The following AGPAT4 variants were observed in gnomAD, a reference collection of about 807,000 sequenced individuals.
AGPAT4 encodes 1-acyl-sn-glycerol-3-phosphate acyltransferase delta.
Under a neutral mutation model 48.0 loss-of-function variants are expected in AGPAT4, and 15 were observed. That is an observed-to-expected ratio of 0.31 (90% CI 0.21 to 0.48). The LOEUF is 0.48. AGPAT4 is among the 20% of genes least tolerant of loss of function. AGPAT4 has a pLI of 0.99. For synonymous variants in AGPAT4, 178 were observed against 198.7 expected (o/e 0.90, Z 0.88); for missense variants, 314 against 482.5 (o/e 0.65, Z 3.27).
chr6:161,199,192 AC>A (rs1781151691), intron 2 of AGPAT4, among the ~76,000 whole-genome samples: 1 of 152,148 alleles, frequency 6.6e-6, no homozygotes, highest in Admixed American at 6.5e-5. Flanking sequence ...GCAGAAACAT[AC>A]AAAAAAGCTT....
intron 2 of AGPAT4, among the ~76,000 whole-genome samples, chr6:161,199,193 CA>C (rs1049190754): frequency 6.6e-6 from 1 of 152,106 alleles, no homozygotes; most frequent in African/African-American, 2.4e-5. Context: ...CAGAAACATA[CA>C]AAAAAGCTTT....
intron 2 of AGPAT4, among the ~76,000 whole-genome samples, chr6:161,194,252 C>T (rs1781000971): frequency 6.6e-6 from 1 of 152,124 alleles, no homozygotes; most frequent in South Asian, 2.1e-4. Context: ...ATTAATTTCA[C>T]CTATCTCTTA....
chr6:161,147,076 T>C lies in AGPAT4; in HGVS notation c.768-477A>G, dbSNP rs1779453043. ...ATTATCTCCCATCAAATGATTCCTC[T>C]GGCCTCTTGGTTAGCCTTGAGGCAG... On this transcript the variant is annotated intron_variant, in intron 6 of 8. Coordinates refer to ENST00000320285, the MANE Select transcript of AGPAT4 (RefSeq NM_020133.3). The surrounding 1 kb of genome is among the most constrained non-coding windows in gnomAD (Gnocchi z 4.8). 6.6e-6 allele frequency among the ~76,000 whole-genome samples: 1 copy of C among 152,234 alleles called. No homozygotes were observed. The highest frequency in any genetic ancestry group is 1.5e-5 in the Non-Finnish European group (1 of 68,034).
intron 2 of AGPAT4, among the ~76,000 whole-genome samples, chr6:161,203,704 G>T (rs1324473708): frequency 6.6e-6 from 1 of 152,092 alleles, no homozygotes; most frequent in Non-Finnish European, 1.5e-5. Flanking sequence ...GGCTGGTGCT[G>T]GGATTACAGG....
At position 161,236,999 on chromosome 6, in the gene AGPAT4, G is replaced by A. The variant is rs967671207; in HGVS notation, c.-89-4697C>T. 1.3e-5 allele frequency among the ~76,000 whole-genome samples: 2 copies of A among 152,116 alleles called. No individual in the cohort carries two copies. Among genetic ancestry groups the A allele is most frequent in the Non-Finnish European group, 2.9e-5 (2 of 68,012 alleles). On this transcript the variant is annotated intron_variant, in intron 1 of 8. Transcript: ENST00000320285. This position sits in a 1 kb window ranked among gnomAD's most constrained non-coding sequence, Gnocchi z 5.0. ...AGTGAACTAAGGCAACATGCAAAAG[G>A]GATCGCGGAAACACAAAGACATTTT... is the stretch of plus-strand genomic sequence containing the variant.
At position 161,148,129 on chromosome 6, in the gene AGPAT4, G is replaced by A. The variant is rs113111462; in HGVS notation, c.767+1058C>T. 2.8e-4 allele frequency among the ~76,000 whole-genome samples: 43 copies of A among 152,326 alleles called. 1 individual carries two copies. The highest frequency in any genetic ancestry group is 7.8e-4 in the Admixed American group (12 of 15,304). On this transcript the variant is annotated intron_variant, in intron 6 of 8. Transcript: ENST00000320285. This position sits in a 1 kb window ranked among gnomAD's most constrained non-coding sequence, Gnocchi z 5.5. ...CCATTGAGTGGAGCTCCTGCCAGCT[G>A]TCAGAGAACATGGGGAATAAAACCT...
chr6:161,197,188 C>T lies in AGPAT4; in HGVS notation c.179-30771G>A, dbSNP rs567036127. Reference sequence around the variant, plus strand: ...TGGAAAAAAATGAGATAAACCAATGCTTTTCCCTTTGGCCTTCTCCGAACG... The same window carrying T: ...TGGAAAAAAATGAGATAAACCAATGTTTTTCCCTTTGGCCTTCTCCGAACG... On this transcript the variant is annotated intron_variant, in intron 2 of 8. Coordinates refer to ENST00000320285, the MANE Select transcript of AGPAT4 (RefSeq NM_020133.3). The surrounding 1 kb of genome is among the most constrained non-coding windows in gnomAD (Gnocchi z 5.7). 1.3e-5 allele frequency among the ~76,000 whole-genome samples: 2 copies of T among 152,258 alleles called. No homozygotes were observed. Among genetic ancestry groups the T allele is most frequent in the South Asian group, 4.2e-4 (2 of 4,814 alleles).
chr6:161,232,195 G>C lies in AGPAT4; in HGVS notation c.19C>G (p.Leu7Val). 6.2e-7 allele frequency: 1 copy of C among 1,614,040 alleles called. No homozygotes were observed. Among genetic ancestry groups the C allele is most frequent in the East Asian group, 2.2e-5 (1 of 44,872 alleles). The change falls in exon 2 of 9, where the codon CTG becomes GTG. Residue 7 changes from leucine to valine, a missense_variant. Physicochemically the swap from Leu to Val is conservative, Grantham distance 32. Transcript: ENST00000320285. The surrounding 1 kb of genome is among the most constrained non-coding windows in gnomAD (Gnocchi z 6.8). ...AGGTGGCACAGGAACTGAGACTTCA[G>C]CAGTCCCGCGAGGTCCATGATGCGT... MDLAGL[L>V]KSQFLCHLVF...
Position 161,196,410 on chromosome 6 carries a change from G to C in AGPAT4, c.179-29993C>G, listed in dbSNP as rs1781065559. ...GGGTTGGGGATGATTAAGTCAGTGAGGGGTAGGACTGTGGTCCTATCCAGG... is the reference window on the plus strand; with the variant it reads ...GGGTTGGGGATGATTAAGTCAGTGACGGGTAGGACTGTGGTCCTATCCAGG... On this transcript the variant is annotated intron_variant, in intron 2 of 8. Transcript: ENST00000320285. This position sits in a 1 kb window ranked among gnomAD's most constrained non-coding sequence, Gnocchi z 4.3. 6.6e-6 allele frequency among the ~76,000 whole-genome samples: 1 copy of C among 152,150 alleles called. No individual in the cohort carries two copies. Among genetic ancestry groups the C allele is most frequent in the Admixed American group, 6.5e-5 (1 of 15,282 alleles).
At chr6:161,224,300 CAT>C (rs1781910990) in intron 2 of AGPAT4, among the ~76,000 whole-genome samples, 1 of 152,108 alleles carries the variant, frequency 6.6e-6, no homozygotes, top group Non-Finnish European at 1.5e-5. Context: ...ATTAGTATAA[CAT>C]GTGGCAAGTA....
chr6:161,194,484 ATG>A (rs945854060), intron 2 of AGPAT4, among the ~76,000 whole-genome samples: 85 of 143,494 alleles, frequency 5.9e-4, no homozygotes, highest in African/African-American at 2.2e-3. Flanking sequence ...ATGCGCATGT[ATG>A]TGTGTATGTG....
chr6:161,179,997 A>C (rs1562326474), intron 2 of AGPAT4, among the ~76,000 whole-genome samples: 1 of 152,216 alleles, frequency 6.6e-6, no homozygotes, highest in Non-Finnish European at 1.5e-5. Flanking sequence ...AAAGAAATTA[A>C]GAAGCATGCC....
intron 4 of AGPAT4, 154 bp downstream of exon 4, chr6:161,153,995 A>G: frequency 9.9e-7 from 1 of 1,005,270 alleles, no homozygotes. Flanking sequence ...ATGGTCACAT[A>G]CATCCCTGAG....
intron 2 of AGPAT4, among the ~76,000 whole-genome samples, chr6:161,192,426 CA>C (rs1029370114): frequency 6.6e-5 from 10 of 152,194 alleles, no homozygotes; most frequent in African/African-American, 2.4e-4. Flanking sequence ...GCTGGGATTA[CA>C]GGGGTGAGCC....
chr6:161,273,104 T>C (rs1009063051), intron 1 of AGPAT4, among the ~76,000 whole-genome samples: 2 of 152,354 alleles, frequency 1.3e-5, no homozygotes, highest in South Asian at 4.1e-4. Context: ...TCACCTCCTG[T>C]AAGGAATTAA....
chr6:161,140,339 CCTTCCA>C lies in AGPAT4; in HGVS notation c.844-725_844-720del, dbSNP rs1779210194. On this transcript the variant is annotated intron_variant, in intron 7 of 8. Coordinates refer to ENST00000320285, the MANE Select transcript of AGPAT4 (RefSeq NM_020133.3). This position sits in a 1 kb window ranked among gnomAD's most constrained non-coding sequence, Gnocchi z 6.5. ...GAAAGGTAAACAAACAGGCTCATGTCCTTCCACTAAGCAGATCCTTAGTGGGAACCA... is the reference window on the plus strand; with the variant it reads ...GAAAGGTAAACAAACAGGCTCATGTCCTAAGCAGATCCTTAGTGGGAACCA... 6.6e-6 allele frequency among the ~76,000 whole-genome samples: 1 copy of C among 152,224 alleles called. No homozygotes were observed. The highest frequency in any genetic ancestry group is 1.5e-5 in the Non-Finnish European group (1 of 68,040).
chr6:161,188,893 AT>A (rs1264826100), intron 2 of AGPAT4, among the ~76,000 whole-genome samples: 3 of 152,118 alleles, frequency 2.0e-5, no homozygotes, highest in Non-Finnish European at 4.4e-5. Context: ...CCAATGGCAA[AT>A]GGAAGAGAGA....
intron 2 of AGPAT4, among the ~76,000 whole-genome samples, chr6:161,167,450 C>G (rs1780135617): frequency 6.6e-6 from 1 of 152,188 alleles, no homozygotes; most frequent in African/African-American, 2.4e-5. Context: ...GGGTAGACTC[C>G]TGGGTTCAAG....
chr6:161,140,048 G>A lies in AGPAT4; in HGVS notation c.844-428C>T, dbSNP rs374699612. 3.9e-5 allele frequency among the ~76,000 whole-genome samples: 6 copies of A among 152,322 alleles called. No homozygotes were observed. Among genetic ancestry groups the A allele is most frequent in the African/African-American group, 9.6e-5 (4 of 41,584 alleles). ...CCGAAGCTGCCCGCAGGGGACACTC[G>A]GTGGAGACCTGGCCCGCAGTCAGGA... On this transcript the variant is annotated intron_variant, in intron 7 of 8. Coordinates refer to ENST00000320285, the MANE Select transcript of AGPAT4 (RefSeq NM_020133.3). The surrounding 1 kb of genome is among the most constrained non-coding windows in gnomAD (Gnocchi z 6.5).
Sources: gnomAD v4.1 joint callset for allele counts (sites outside exome capture counted in the v4.1 genomes callset) on GRCh38, gnomAD v4.1.1 for gene constraint, Gnocchi (gnomAD v3.1) non-coding constraint, MANE v1.5 for transcripts, NCBI Gene and HGNC (gene_info 2026-07-23, HGNC 2026-07-21) for gene names.